The following C13orf46 variants were observed in gnomAD, a reference collection of about 807,000 sequenced individuals.
C13orf46 encodes uncharacterized protein C13orf46.
At chr13:113,936,133 G>A in the C13orf46 span, among the ~76,000 whole-genome samples, 1 of 152,216 alleles carries the variant, frequency 6.6e-6, no homozygotes. Context: ...GAGAAACTCA[G>A]GAGTCAATTG....
At chr13:113,967,978 G>T (rs2052666557) in intron 4 of C13orf46, among the ~76,000 whole-genome samples, 1 of 152,208 alleles carries the variant, frequency 6.6e-6, no homozygotes, top group African/African-American at 2.4e-5. Context: ...AGTGTCTGGG[G>T]GTGGGTGAAG....
At chr13:113,946,227 G>C in the C13orf46 span, among the ~76,000 whole-genome samples, 1 of 152,146 alleles carries the variant, frequency 6.6e-6, no homozygotes, top group African/African-American at 2.4e-5. Flanking sequence ...ACTCCCCACC[G>C]GCCAATTGGA....
chr13:113,943,873 C>T, the C13orf46 span, among the ~76,000 whole-genome samples: 2 of 152,276 alleles, frequency 1.3e-5, no homozygotes, highest in African/African-American at 2.4e-5. Flanking sequence ...AGCAAATGCC[C>T]GCAGTCCCTG....
chr13:113,941,667 A>T, the C13orf46 span, among the ~76,000 whole-genome samples: 4 of 152,212 alleles, frequency 2.6e-5, no homozygotes, highest in South Asian at 8.3e-4. Flanking sequence ...TCTGCCTGTC[A>T]GATGGAGACA....
downstream of C13orf46, among the ~76,000 whole-genome samples, chr13:113,952,877 GGGCGGGGC>G (rs1330606071): frequency 6.6e-6 from 1 of 152,250 alleles, no homozygotes; most frequent in African/African-American, 2.4e-5. Context: ...CGCTCATGCT[GGGCGGGGC>G]GGCGGGGCAG....
At chr13:113,936,881 A>G in the C13orf46 span, among the ~76,000 whole-genome samples, 1 of 151,706 alleles carries the variant, frequency 6.6e-6, no homozygotes, top group Non-Finnish European at 1.5e-5. Context: ...GTTCCACCGT[A>G]GTGACGTTAT....
the C13orf46 span, among the ~76,000 whole-genome samples, chr13:113,934,751 C>T: frequency 2.0e-5 from 3 of 152,238 alleles, no homozygotes; most frequent in Admixed American, 6.5e-5. Context: ...CTGAGCGTGT[C>T]GCTGCGGAGA....
chr13:113,948,626 C>T, the C13orf46 span, among the ~76,000 whole-genome samples: 1 of 152,240 alleles, frequency 6.6e-6, no homozygotes, highest in Non-Finnish European at 1.5e-5. Flanking sequence ...CGCCCCTCAA[C>T]CTCAGTGGAG....
chr13:113,973,793 C>G lies in C13orf46; in HGVS notation c.190+15G>C, dbSNP rs1229270737. ...CGCGCCGTCCACCCGCTCCCCGCGG[C>G]CCCACAGCCCCTACCCAGCTCCTTG... is the stretch of plus-strand genomic sequence containing the variant. On this transcript the variant is annotated intron_variant, in intron 1 of 6. Coordinates refer to ENST00000636427, the MANE Select transcript of C13orf46 (RefSeq NM_001365455.2). The G allele has an allele frequency of 1.3e-5, 2 of 152,352 alleles. No individual in the cohort carries two copies. The highest frequency in any genetic ancestry group is 6.5e-5 in the Admixed American group (1 of 15,290). The allele number at this position is 152,352 out of a possible 1,614,324, so 9.4% of individuals were successfully genotyped here. A position where few individuals can be genotyped will look rare whatever the true frequency, so the allele number is the denominator to read the frequency against.
chr13:113,927,219 T>C, the C13orf46 span: 1 of 259,512 alleles, frequency 3.9e-6, no homozygotes. Flanking sequence ...GTCCCTTGAG[T>C]GGAGCCCTGG....
At chr13:113,928,500 C>T in the C13orf46 span, 226 of 152,508 alleles carry the variant, frequency 1.5e-3, 1 homozygote, top group Non-Finnish European at 3.8e-4. Flanking sequence ...AGGGGAACAG[C>T]GCCCAGGAAG....
At chr13:113,940,115 C>T in the C13orf46 span, among the ~76,000 whole-genome samples, 13 of 152,258 alleles carry the variant, frequency 8.5e-5, no homozygotes, top group African/African-American at 3.1e-4. Context: ...CAAAGTCCAC[C>T]CCAGGGGCGG....
At position 113,954,979 on chromosome 13, in the gene C13orf46, A is replaced by T. The variant is rs2052510780; in HGVS notation, c.*1794T>A. 1 of 170,576 alleles carries T rather than the reference A, an allele frequency of 5.9e-6. No individual in the cohort carries two copies. Among genetic ancestry groups the T allele is most frequent in the Non-Finnish European group, 1.2e-5 (1 of 80,944 alleles). 10.6% of individuals were successfully genotyped at this position (170,576 alleles called of 1,614,324 possible). On this transcript the variant is annotated 3_prime_UTR_variant, in exon 7 of 7. Coordinates refer to ENST00000636427, the MANE Select transcript of C13orf46 (RefSeq NM_001365455.2). ...AGACGAGGAGGAGGATCTGGCGGAGACGAGGAGGAGGATCTGGCAGAGAGG... is the reference window on the plus strand; with the variant it reads ...AGACGAGGAGGAGGATCTGGCGGAGTCGAGGAGGAGGATCTGGCAGAGAGG...
chr13:113,947,413 G>T, the C13orf46 span, among the ~76,000 whole-genome samples: 1 of 152,168 alleles, frequency 6.6e-6, no homozygotes, highest in Non-Finnish European at 1.5e-5. Flanking sequence ...CACTGCTGCC[G>T]TCTGCTGTCG....
chr13:113,950,787 G>C (rs1421918214), downstream of C13orf46, among the ~76,000 whole-genome samples: 4 of 152,174 alleles, frequency 2.6e-5, no homozygotes, highest in Non-Finnish European at 5.9e-5. Flanking sequence ...AGACACAGGA[G>C]AGACTCCCTC....
At chr13:113,932,157 C>T in the C13orf46 span, among the ~76,000 whole-genome samples, 2 of 152,370 alleles carry the variant, frequency 1.3e-5, no homozygotes, top group South Asian at 4.1e-4. Flanking sequence ...CATCCACTGA[C>T]CCGTGGAGGA....
the C13orf46 span, among the ~76,000 whole-genome samples, chr13:113,947,619 C>T: frequency 1.3e-5 from 2 of 152,184 alleles, no homozygotes; most frequent in Non-Finnish European, 2.9e-5. Flanking sequence ...GAGCTGGCAG[C>T]AAGGCTTGGT....
chr13:113,957,012 TA>T (rs2052540605), intron 6 of C13orf46, among the ~76,000 whole-genome samples, 173 bp from the exon 7 acceptor site: 1 of 150,512 alleles, frequency 6.6e-6, no homozygotes, highest in Non-Finnish European at 1.5e-5. Context: ...TGTACCTGCA[TA>T]TGCACCCCCG....
At chr13:113,973,248 G>C (rs2052727564) in intron 1 of C13orf46, among the ~76,000 whole-genome samples, 1 of 152,150 alleles carries the variant, frequency 6.6e-6, no homozygotes, top group Non-Finnish European at 1.5e-5. Context: ...TCTGCCCTAA[G>C]CAGTTTTGTG....
Sources: allele counts gnomAD v4.1 joint callset (sites outside exome capture counted in the v4.1 genomes callset), GRCh38; gene constraint gnomAD v4.1.1; transcripts MANE v1.5; gene names NCBI Gene and HGNC (gene_info 2026-07-23, HGNC 2026-07-21).